Variants in P3H1 observed in about 807,000 individuals in gnomAD.
P3H1 encodes growth suppressor 1.
In P3H1, 69 loss-of-function variants were observed where a neutral mutation model predicts 84.0. The observed-to-expected ratio is 0.82, with a 90% CI of 0.68 to 1.00. The LOEUF (loss-of-function observed/expected upper bound fraction) is 1.00, where lower values mean the gene tolerates loss of function less well. P3H1 is among the 50% of genes least tolerant of loss of function. The pLI is 0.00. For synonymous variants in P3H1, 366 were observed against 388.8 expected (o/e 0.94, Z 0.69); for missense variants, 878 against 962.8 (o/e 0.91, Z 1.17).
chr1:42,748,418 C>A (rs115436009), intron 11 of P3H1, 101 bp from the exon 12 acceptor site: 1 of 895,762 alleles, frequency 1.1e-6, no homozygotes. Flanking sequence ...TTTGAGTCTA[C>A]GGAATGCCCA....
At position 42,752,552 on chromosome 1, in the gene P3H1, C is replaced by T. The variant is rs202023497; in HGVS notation, c.1458G>A (p.Leu486=). Reference sequence around the variant, plus strand: ...CTTCCCTTACATTGGTCAGTCTCTGCAGCTCCTGACACTCGTGGTCAGAGA... The same window carrying T: ...CTTCCCTTACATTGGTCAGTCTCTGTAGCTCCTGACACTCGTGGTCAGAGA... The part of the protein sequence containing the change: ...GVISDHECQE[L]QRLTNVAATS... Residue 486 remains leucine (L), a synonymous_variant, in exon 9 of 15, where the codon CTG becomes CTA. Transcript: ENST00000296388. The T allele has an allele frequency of 6.2e-7, 1 of 1,614,164 alleles. No individual in the cohort carries two copies. The highest frequency in any genetic ancestry group is 1.3e-5 in the African/African-American group (1 of 75,040).
In P3H1 at chr1:42,766,629, G is replaced by A. The variant is rs1653015841; in HGVS notation, c.343C>T (p.Arg115Cys). ...CAGCGGCGCAGGCAGGCAGCGCGAC[G>A]CAGAAGGCCCCCGAAGAAGCTCAGG... ...RDLSFFGGLL[R>C]RAACLRRCLG... Residue 115 changes from arginine to cysteine, a missense_variant, in exon 1 of 15, where the codon CGT becomes TGT. By Grantham distance (180) the Arg-to-Cys change is radical. Coordinates refer to ENST00000296388, the MANE Select transcript of P3H1 (RefSeq NM_022356.4). 4 of 1,596,612 alleles carry A rather than the reference G, an allele frequency of 2.5e-6. No individual in the cohort carries two copies. The highest frequency in any genetic ancestry group is 3.4e-6 in the Non-Finnish European group (4 of 1,172,104).
chr1:42,752,949 G>A (rs759582556), intron 8 of P3H1, among the ~76,000 whole-genome samples: 4 of 152,212 alleles, frequency 2.6e-5, no homozygotes, highest in South Asian at 2.1e-4. Flanking sequence ...ACATGAGCTC[G>A]GGAACGAGGA....
rs1453199372 is a variant in P3H1 at position 42,755,550 on chromosome 1, G to A, written c.1168C>T (p.Pro390Ser). ...YDVFGIPFVD[P>S]DSWTPEEVIP... ...CCGGCTCCTGTACCCTAGCTCACCG[G>A]ATCCACAAAGGGAATTCCAAAAACA... is the stretch of plus-strand genomic sequence containing the variant. Residue 390 changes from proline to serine, a missense_variant and splice_region_variant, in exon 6 of 15, where the codon CCG becomes TCG. Coordinates refer to ENST00000296388, the MANE Select transcript of P3H1 (RefSeq NM_022356.4). The A allele has an allele frequency of 6.2e-7, 1 of 1,613,072 alleles. No homozygotes were observed. The highest frequency in any genetic ancestry group is 1.7e-5 in the Admixed American group (1 of 60,010).
Position 42,747,711 on chromosome 1 carries a change from G to A in P3H1, c.1914+12C>T, listed in dbSNP as rs1351968747. 1.9e-6 allele frequency: 3 copies of A among 1,613,754 alleles called. No homozygotes were observed. The highest frequency in any genetic ancestry group is 4.5e-5 in the East Asian group (2 of 44,892). ...TTTTATCTCCCAGGGACAAGGACAA[G>A]GGAGCACTCACCGTCACGGTCTTGG... On this transcript the variant is annotated intron_variant, in intron 13 of 14. Coordinates refer to ENST00000296388, the MANE Select transcript of P3H1 (RefSeq NM_022356.4).
intron 11 of P3H1, chr1:42,749,984 T>A: frequency 1.6e-6 from 1 of 631,362 alleles, no homozygotes. Context: ...CTGGGAAGCC[T>A]TCTTGATCCC....
intron 8 of P3H1, 128 bp from the exon 9 acceptor site, chr1:42,752,792 C>G: frequency 8.4e-7 from 1 of 1,193,198 alleles, no homozygotes; most frequent in South Asian, 1.3e-5. Context: ...AAATCTCCCG[C>G]TAGGTCATTT....
chr1:42,757,729 G>A (rs771456847), intron 5 of P3H1, 54 bp downstream of exon 5: 140 of 1,613,546 alleles, frequency 8.7e-5, no homozygotes, highest in Middle Eastern at 1.7e-4. Context: ...CCACTCTTCC[G>A]CCCTCAGGTC....
At chr1:42,766,486 T>A (rs1477458404) in intron 1 of P3H1, 21 bp downstream of exon 1, 6 of 1,584,082 alleles carry the variant, frequency 3.8e-6, no homozygotes, top group Non-Finnish European at 4.3e-6. Context: ...CCCGGCCGCC[T>A]GGTTCCAGGC....
Position 42,747,297 on chromosome 1 carries a change from G to A in P3H1, c.2030C>T (p.Thr677Ile), listed in dbSNP as rs1329575897. The A allele has an allele frequency of 6.2e-7, 1 of 1,613,634 alleles. No individual in the cohort carries two copies. Among genetic ancestry groups the A allele is most frequent in the Non-Finnish European group, 8.5e-7 (1 of 1,179,676 alleles). ...CCGCTCGCTGTGTCGAGGGTCCAGG[G>A]TGAACCACAGGGCGATGGCACAGCG... ...GQRCAIALWF[T>I]LDPRHSERDR... The change falls in exon 14 of 15, where the codon ACC becomes ATC. Residue 677 changes from threonine to isoleucine, a missense_variant. Transcript: ENST00000296388.
intron 5 of P3H1, among the ~76,000 whole-genome samples, chr1:42,756,608 A>G (rs1652417875): frequency 6.6e-6 from 1 of 152,222 alleles, no homozygotes; most frequent in Non-Finnish European, 1.5e-5. Context: ...TTTTCTCTTC[A>G]GGAGTTTACA....
At chr1:42,763,672 C>CAAAA (rs766034061) in intron 1 of P3H1, among the ~76,000 whole-genome samples, 8 of 41,522 alleles carry the variant, frequency 1.9e-4, no homozygotes, top group Admixed American at 4.1e-4. Flanking sequence ...ACTCTTGTCT[C>CAAAA]AAAAAAAAAA....
intron 1 of P3H1, among the ~76,000 whole-genome samples, chr1:42,763,659 G>A (rs554577540): frequency 6.5e-4 from 75 of 115,402 alleles, no homozygotes; most frequent in African/African-American, 2.2e-3. Context: ...GTGACAGAGC[G>A]AGACTCTTGT....
chr1:42,754,421 C>T lies in P3H1; in HGVS notation c.1345+448G>A, dbSNP rs932032117. 6.6e-6 allele frequency among the ~76,000 whole-genome samples: 1 copy of T among 152,062 alleles called. No homozygotes were observed. The highest frequency in any genetic ancestry group is 1.9e-4 in the East Asian group (1 of 5,186). The stretch of plus-strand genomic sequence containing the variant: ...CAGTAAAGGGACGAATGGTGAAAAC[C>T]GGGAGAAAACAGTTTGGGAGTGGGG... On this transcript the variant is annotated intron_variant, in intron 8 of 14. Transcript: ENST00000296388. The surrounding 1 kb of genome is among the most constrained non-coding windows in gnomAD (Gnocchi z 4.0).
At chr1:42,763,091 A>G (rs115547360) in intron 1 of P3H1, among the ~76,000 whole-genome samples, 1,535 of 152,200 alleles carry the variant, frequency 0.01, 33 homozygotes, top group African/African-American at 0.036. Context: ...ACTCAAAAAA[A>G]AAAAAATACA....
intron 8 of P3H1, among the ~76,000 whole-genome samples, chr1:42,753,516 A>G (rs1019068227): frequency 1.3e-5 from 2 of 152,216 alleles, no homozygotes; most frequent in African/African-American, 2.4e-5. Flanking sequence ...GATGAATCCT[A>G]GAAGACAGTA....
At chr1:42,757,994 C>CCT in intron 4 of P3H1, 72 bp from the exon 5 acceptor site, 1 of 1,394,046 alleles carries the variant, frequency 7.2e-7, no homozygotes, top group Non-Finnish European at 1.0e-6. Flanking sequence ...GCACCAGGGA[C>CCT]CACTTAGTGT....
In P3H1 at chr1:42,762,382, G is replaced by A. The variant is rs1181808811; in HGVS notation, c.559C>T (p.Gln187Ter). 2 of 1,614,098 alleles carry A rather than the reference G, an allele frequency of 1.2e-6. No individual in the cohort carries two copies. Among genetic ancestry groups the A allele is most frequent in the East Asian group, 4.5e-5 (2 of 44,884 alleles). The change falls in exon 2 of 15, where the codon CAA (glutamine) becomes TAA (stop). Residue 187 changes from glutamine (Q) to a stop codon, truncating the protein, a stop_gained. Transcript: ENST00000296388. LOFTEE classifies it high-confidence loss of function. ...GCCTCCTTCACTCCAGACATGGTTT[G>A]GTAATAGTCTAGGTTCTGCTGCATT... ...MEMQQNLDYY[Q>*]TMSGVKEADF...
At chr1:42,747,588 AG>A in intron 13 of P3H1, 134 bp downstream of exon 13, 4 of 1,125,428 alleles carry the variant, frequency 3.6e-6, no homozygotes, top group Non-Finnish European at 4.1e-6. Flanking sequence ...CACGTCTCAA[AG>A]CCCCTCTGGA....
Sources: allele counts gnomAD v4.1 joint callset (sites outside exome capture counted in the v4.1 genomes callset), GRCh38; gene constraint gnomAD v4.1.1; non-coding constraint Gnocchi (gnomAD v3.1); transcripts MANE v1.5; gene names NCBI Gene and HGNC (gene_info 2026-07-23, HGNC 2026-07-21).